UNC13C: variants seen among roughly 807,000 people sequenced by gnomAD.
UNC13C encodes the protein unc-13 homolog C.
UNC13C carries 174 observed loss-of-function variants against 245.4 expected under a neutral mutation model. The ratio of observed to expected loss-of-function variants is 0.71; its 90% CI spans 0.63 to 0.80. The LOEUF (loss-of-function observed/expected upper bound fraction) is 0.80, where lower values mean the gene tolerates loss of function less well. UNC13C is among the 30% of genes least tolerant of loss of function. The pLI, the probability that UNC13C is intolerant of heterozygous loss-of-function variation, is 0.00. For synonymous variants in UNC13C, 992 were observed against 895.1 expected, an observed-to-expected ratio of 1.11 and a Z score of -1.93; for missense variants, 2,829 against 2,602.9, an observed-to-expected ratio of 1.09 and a Z score of -1.89.
intron 4 of UNC13C, among the ~76,000 whole-genome samples, chr15:54,182,247 T>C (rs762726882): frequency 6.6e-6 from 1 of 152,018 alleles, no homozygotes; most frequent in Non-Finnish European, 1.5e-5. Flanking sequence ...ACTGAAGGGA[T>C]GTTGGATTTT....
chr15:54,117,499 A>G (rs183554167), intron 2 of UNC13C, among the ~76,000 whole-genome samples: 5 of 150,804 alleles, frequency 3.3e-5, no homozygotes, highest in Admixed American at 1.3e-4. Flanking sequence ...ATATGGTAAT[A>G]GAGTTTTCTC....
intron 26 of UNC13C, among the ~76,000 whole-genome samples, chr15:54,534,744 C>G (rs1895914730): frequency 6.6e-6 from 1 of 152,150 alleles, no homozygotes; most frequent in South Asian, 2.1e-4. Flanking sequence ...TCAAAGTGGT[C>G]TGATGGAGCT....
intron 2 of UNC13C, among the ~76,000 whole-genome samples, chr15:54,043,048 C>T (rs968606741): frequency 6.6e-6 from 1 of 151,934 alleles, no homozygotes; most frequent in Non-Finnish European, 1.5e-5. Flanking sequence ...CATGTTCTTG[C>T]CTCAGAACAA....
At chr15:54,250,749 C>CTTTTTTTTTTT (rs1296024773) in intron 8 of UNC13C, among the ~76,000 whole-genome samples, 48 of 88,870 alleles carry the variant, frequency 5.4e-4, no homozygotes, top group Non-Finnish European at 9.6e-4. Context: ...TTCTTTCTTT[C>CTTTTTTTTTTT]TTTTTTTTTT....
At chr15:54,084,222 T>C (rs1899113696) in intron 2 of UNC13C, among the ~76,000 whole-genome samples, 1 of 152,228 alleles carries the variant, frequency 6.6e-6, no homozygotes, top group Non-Finnish European at 1.5e-5. Flanking sequence ...ACAGTAACTG[T>C]GATCCACGTC....
chr15:54,246,151 C>T (rs560821452), intron 7 of UNC13C, among the ~76,000 whole-genome samples: 2 of 152,102 alleles, frequency 1.3e-5, no homozygotes, highest in East Asian at 3.9e-4. Flanking sequence ...AATTCATTTC[C>T]TTCCAGTGTC....
chr15:54,525,473 T>A, intron 24 of UNC13C, 76 bp from the exon 25 acceptor site: 1 of 1,000,474 alleles, frequency 1.0e-6, no homozygotes, highest in Non-Finnish European at 1.5e-6. Flanking sequence ...CATATAATAA[T>A]CAAAATGCTT....
intron 2 of UNC13C, among the ~76,000 whole-genome samples, chr15:54,109,851 A>G (rs1319909555): frequency 6.6e-6 from 1 of 151,722 alleles, no homozygotes; most frequent in Non-Finnish European, 1.5e-5. Context: ...GTTCAGACAG[A>G]CTCTGTGACA....
intron 29 of UNC13C, among the ~76,000 whole-genome samples, chr15:54,556,476 A>G (rs796594326): frequency 3.3e-5 from 5 of 152,136 alleles, no homozygotes; most frequent in African/African-American, 1.2e-4. Flanking sequence ...AGTGGTAAAA[A>G]CTGCCACATT....
At chr15:54,194,489 A>G (rs1273083489) in intron 4 of UNC13C, among the ~76,000 whole-genome samples, 2 of 152,204 alleles carry the variant, frequency 1.3e-5, no homozygotes, top group Non-Finnish European at 2.9e-5. Flanking sequence ...ACAGTGTTAA[A>G]TGAAGTTTTA....
intron 2 of UNC13C, among the ~76,000 whole-genome samples, chr15:54,126,195 G>T (rs2031026782): frequency 6.6e-6 from 1 of 152,004 alleles, no homozygotes; most frequent in Non-Finnish European, 1.5e-5. Flanking sequence ...TAATAAAGTG[G>T]ATTAAAAAAC....
chr15:53,871,020 A>G, the UNC13C span, among the ~76,000 whole-genome samples: 33 of 152,198 alleles, frequency 2.2e-4, no homozygotes, highest in Admixed American at 2.0e-4. Context: ...CCCAGTTGCC[A>G]GTCATGTTGT....
the UNC13C span, among the ~76,000 whole-genome samples, chr15:53,887,495 G>T: frequency 6.6e-6 from 1 of 151,938 alleles, no homozygotes; most frequent in Admixed American, 6.6e-5. Flanking sequence ...CATGATTTTT[G>T]CTTTTTAATA....
intron 4 of UNC13C, among the ~76,000 whole-genome samples, chr15:54,230,632 G>C (rs193003309): frequency 6.6e-6 from 1 of 151,918 alleles, no homozygotes; most frequent in Non-Finnish European, 1.5e-5. Flanking sequence ...GCAATATACT[G>C]TACATCTCAG....
chr15:53,980,269 C>G (rs970774129), intron 1 of UNC13C, among the ~76,000 whole-genome samples: 1 of 152,142 alleles, frequency 6.6e-6, no homozygotes, highest in Non-Finnish European at 1.5e-5. Context: ...TAAAATTCCA[C>G]GCATGACTAT....
chr15:54,273,382 G>A (rs117450778), intron 10 of UNC13C, among the ~76,000 whole-genome samples: 2,118 of 151,598 alleles, frequency 0.014, 28 homozygotes, highest in Non-Finnish European at 0.019. Flanking sequence ...CCCTTTCCTC[G>A]CTTCTCTGCA....
intron 19 of UNC13C, among the ~76,000 whole-genome samples, chr15:54,450,974 C>T (rs1010828102): frequency 2.0e-5 from 3 of 152,034 alleles, no homozygotes; most frequent in African/African-American, 7.2e-5. Context: ...CTTTATTTTG[C>T]CTTTATTTAT....
chr15:54,144,228 A>T (rs1165534172), intron 4 of UNC13C, among the ~76,000 whole-genome samples: 1 of 152,210 alleles, frequency 6.6e-6, no homozygotes, highest in Non-Finnish European at 1.5e-5. Flanking sequence ...TAATGTTAAA[A>T]GTTACGCACT....
intron 18 of UNC13C, among the ~76,000 whole-genome samples, chr15:54,407,841 C>CA (rs1193479285): frequency 4.6e-5 from 7 of 151,702 alleles, no homozygotes; most frequent in African/African-American, 1.7e-4. Flanking sequence ...AGCCTAATAC[C>CA]AACAAAAAAG....
Sources: allele counts gnomAD v4.1 joint callset (sites outside exome capture counted in the v4.1 genomes callset), GRCh38; gene constraint gnomAD v4.1.1; transcripts MANE v1.5; gene names NCBI Gene and HGNC (gene_info 2026-07-23, HGNC 2026-07-21).